PXDN: variants seen among roughly 807,000 people sequenced by gnomAD.
PXDN encodes peroxidasin homolog.
PXDN carries 77 observed loss-of-function variants against 140.3 expected under a neutral mutation model. That is an observed-to-expected ratio of 0.55 (90% CI 0.46 to 0.66). The LOEUF is 0.66. Among genes scored for constraint, PXDN ranks in the 30% least tolerant of loss-of-function variants. The pLI is 0.00. For synonymous variants in PXDN, 911 were observed against 857.4 expected, an observed-to-expected ratio of 1.06 and a Z score of -1.09; for missense variants, 1,838 against 2,039.5, an observed-to-expected ratio of 0.90 and a Z score of 1.90.
chr2:1,644,599 T>G lies in PXDN; in HGVS notation c.3743+19A>C. 6.3e-7 allele frequency: 1 copy of G among 1,577,888 alleles called. No individual in the cohort carries two copies. The highest frequency in any genetic ancestry group is 8.6e-7 in the Non-Finnish European group (1 of 1,157,824). On this transcript the variant is annotated intron_variant, in intron 18 of 22. Transcript: ENST00000252804. ...AGGTGGCTTAGGAGCGTGCTCCCCT[T>G]TCTGGTGCACGTGCTCACCTGTCCC...
chr2:1,664,497 T>C lies in PXDN; in HGVS notation c.1408+461A>G, dbSNP rs147568940. The stretch of plus-strand genomic sequence containing the variant: ...TGTAGGCAAAGAATGTGATGAAAGG[T>C]CATGATGCCGAATGGGGAGGTGACA... On this transcript the variant is annotated intron_variant, in intron 11 of 22. Coordinates refer to ENST00000252804, the MANE Select transcript of PXDN (RefSeq NM_012293.3). 1,593 of 161,290 alleles carry C rather than the reference T, an allele frequency of 9.9e-3. 27 individuals carry two copies. Among genetic ancestry groups the C allele is most frequent in the African/African-American group, 0.037 (1,531 of 41,740 alleles). The allele number at this position is 161,290 out of a possible 1,614,324, so 10.0% of individuals were successfully genotyped here. A position where few individuals can be genotyped will look rare whatever the true frequency, so the allele number is the denominator to read the frequency against.
upstream of PXDN, chr2:1,744,643 C>T: frequency 2.1e-6 from 1 of 478,054 alleles, no homozygotes; most frequent in Non-Finnish European, 3.2e-6. Flanking sequence ...AACCCGGGGC[C>T]CCAGCGTCCG....
At chr2:1,709,265 G>A (rs997015901) in intron 1 of PXDN, among the ~76,000 whole-genome samples, 19 of 152,202 alleles carry the variant, frequency 1.2e-4, no homozygotes, top group Non-Finnish European at 2.5e-4. Context: ...AGGTGACCAC[G>A]GCGCTCGCTG....
At chr2:1,647,722 G>A (rs1005186027) in intron 17 of PXDN, among the ~76,000 whole-genome samples, 5 of 152,208 alleles carry the variant, frequency 3.3e-5, no homozygotes, top group Admixed American at 6.5e-5. Flanking sequence ...CCAAGGGCCC[G>A]GATCTGCAGA....
rs1304437913 is a variant in PXDN, at chr2:1,651,263, G to A, written c.2105-1588C>T. 6.6e-6 allele frequency among the ~76,000 whole-genome samples: 1 copy of A among 152,168 alleles called. No individual in the cohort carries two copies. Among genetic ancestry groups the A allele is most frequent in the East Asian group, 1.9e-4 (1 of 5,168 alleles). On this transcript the variant is annotated intron_variant, in intron 16 of 22. Coordinates refer to ENST00000252804, the MANE Select transcript of PXDN (RefSeq NM_012293.3). This position sits in a 1 kb window ranked among gnomAD's most constrained non-coding sequence, Gnocchi z 4.4. ...AATGCCTGGCTGGGCTGTGGGGCTG[G>A]TCTCCGGGCTTTCCTCCAGAATGTT...
rs1220360327 is a variant in PXDN at position 1,685,552 on chromosome 2, TGCAG to T, written c.417-1405_417-1402del. ...TGTGAGCTGCTCAGCGAGGCTTCAG[TGCAG>T]GCAGGCAGGGGTGGAGTCCCCCAAG... is the stretch of plus-strand genomic sequence containing the variant. On this transcript the variant is annotated intron_variant, in intron 4 of 22. Coordinates refer to ENST00000252804, the MANE Select transcript of PXDN (RefSeq NM_012293.3). This position sits in a 1 kb window ranked among gnomAD's most constrained non-coding sequence, Gnocchi z 5.1. Among the ~76,000 whole-genome samples the T allele has an allele frequency of 6.6e-6, 1 of 151,688 alleles. No individual in the cohort carries two copies. The highest frequency in any genetic ancestry group is 1.5e-5 in the Non-Finnish European group (1 of 67,950).
At position 1,648,756 on chromosome 2, in the gene PXDN, G is replaced by T; in HGVS notation, c.3024C>A (p.His1008Gln). The part of the protein sequence containing the change: ...IATELLKLNP[H>Q]WDGDTIYYET... Reference sequence around the variant, plus strand: ...CATAGTAGATGGTGTCGCCGTCCCAGTGCGGGTTCAGCTTGAGCAGCTCCG... The same window carrying T: ...CATAGTAGATGGTGTCGCCGTCCCATTGCGGGTTCAGCTTGAGCAGCTCCG... Residue 1008 changes from histidine (H) to glutamine (Q), a missense_variant, in exon 17 of 23, where the codon CAC becomes CAA. Physicochemically the swap from His to Gln is conservative, Grantham distance 24. Around this residue, in one of 5 missense-constraint regions of PXDN, gnomAD observed 850 missense variants for 894.1 expected, o/e 0.95. Transcript: ENST00000252804. This position sits in a 1 kb window ranked among gnomAD's most constrained non-coding sequence, Gnocchi z 8.9. 1.2e-6 allele frequency: 2 copies of T among 1,604,246 alleles called. No homozygotes were observed. Among genetic ancestry groups the T allele is most frequent in the Non-Finnish European group, 1.7e-6 (2 of 1,175,974 alleles).
At chr2:1,731,205 G>A (rs1387597534) in intron 1 of PXDN, among the ~76,000 whole-genome samples, 1 of 151,420 alleles carries the variant, frequency 6.6e-6, no homozygotes, top group African/African-American at 2.4e-5. Flanking sequence ...GAAGTTTTAA[G>A]AGAGCGAGCA....
At chr2:1,740,322 C>A (rs1685512038) in intron 1 of PXDN, among the ~76,000 whole-genome samples, 1 of 152,170 alleles carries the variant, frequency 6.6e-6, no homozygotes, top group African/African-American at 2.4e-5. Context: ...CGAAAGGCAG[C>A]CAGTTCTCCA....
intron 1 of PXDN, among the ~76,000 whole-genome samples, chr2:1,709,147 G>C (rs984173671): frequency 6.6e-6 from 1 of 152,144 alleles, no homozygotes; most frequent in African/African-American, 2.4e-5. Context: ...TGTGCTCGCC[G>C]CTCACTCATT....
rs1372151902 is a variant in PXDN, at chr2:1,685,186, C to A, written c.417-1035G>T. Among the ~76,000 whole-genome samples, 1 of 152,238 alleles carries A rather than the reference C, an allele frequency of 6.6e-6. No homozygotes were observed. The highest frequency in any genetic ancestry group is 1.5e-5 in the Non-Finnish European group (1 of 68,038). On this transcript the variant is annotated intron_variant, in intron 4 of 22. Coordinates refer to ENST00000252804, the MANE Select transcript of PXDN (RefSeq NM_012293.3). This position sits in a 1 kb window ranked among gnomAD's most constrained non-coding sequence, Gnocchi z 5.1. ...AGCACCCACACAGGCCACACTGAGT[C>A]TCTGCGGACACCTGCAGCCGGAGGG...
chr2:1,660,912 C>T lies in PXDN; in HGVS notation c.1806G>A (p.Ser602=), dbSNP rs376428722. ...CACTGAGCACCATGCTCACCGAGGC[C>T]GACCCAATGGTGTTCCGGGCCACAC... ...YECVARNTIG[S]ASVSMVLSVN... The change falls in exon 14 of 23, where the codon TCG becomes TCA. Residue 602 remains serine, a synonymous_variant. Transcript: ENST00000252804. The surrounding 1 kb of genome is among the most constrained non-coding windows in gnomAD (Gnocchi z 4.6). 6.2e-6 allele frequency: 10 copies of T among 1,613,476 alleles called. No individual in the cohort carries two copies. Among genetic ancestry groups the T allele is most frequent in the African/African-American group, 2.7e-5 (2 of 74,908 alleles).
chr2:1,670,945 C>A (rs1223227435), intron 9 of PXDN, among the ~76,000 whole-genome samples: 4 of 152,104 alleles, frequency 2.6e-5, no homozygotes, highest in African/African-American at 9.7e-5. Flanking sequence ...AACTTGCTGC[C>A]CAACTCCCCC....
At chr2:1,720,328 A>C (rs1685009221) in intron 1 of PXDN, among the ~76,000 whole-genome samples, 1 of 100,678 alleles carries the variant, frequency 9.9e-6, no homozygotes, top group Non-Finnish European at 2.0e-5. Flanking sequence ...AGAGATGCAC[A>C]GAGAGAGGGA....
chr2:1,673,622 T>C (rs1558502176), intron 9 of PXDN, 21 bp downstream of exon 9: 11 of 1,595,688 alleles, frequency 6.9e-6, no homozygotes, highest in East Asian at 2.2e-5. Context: ...GGAACCCCGG[T>C]GTGAAATGCC....
chr2:1,710,996 ACTCCACCAGCACCCACT>A (rs1157884367), intron 1 of PXDN, among the ~76,000 whole-genome samples: 89 of 21,280 alleles, frequency 4.2e-3, no homozygotes, highest in South Asian at 8.0e-3. Flanking sequence ...ACCAGCACCC[ACTCCACCAGCACCCACT>A]CTCCACCAGC....
In PXDN at chr2:1,714,176, A is replaced by G. The variant is rs1684846300; in HGVS notation, c.201-21042T>C. Among the ~76,000 whole-genome samples the G allele has an allele frequency of 6.6e-6, 1 of 152,130 alleles. No individual in the cohort carries two copies. The highest frequency in any genetic ancestry group is 2.4e-5 in the African/African-American group (1 of 41,406). On this transcript the variant is annotated intron_variant, in intron 1 of 22. Transcript: ENST00000252804. The surrounding 1 kb of genome is among the most constrained non-coding windows in gnomAD (Gnocchi z 4.3). ...GGATACTGTTTTTTTCAACTACCTC[A>G]TTTATTGCTCTTACATCTGCACTTG...
At chr2:1,699,262 C>T (rs1274694351) in intron 1 of PXDN, among the ~76,000 whole-genome samples, 1 of 152,166 alleles carries the variant, frequency 6.6e-6, no homozygotes, top group Non-Finnish European at 1.5e-5. Context: ...TTTAATCATG[C>T]CAAAGTTATG....
At chr2:1,728,076 C>A (rs1685230885) in intron 1 of PXDN, among the ~76,000 whole-genome samples, 1 of 152,170 alleles carries the variant, frequency 6.6e-6, no homozygotes, top group Non-Finnish European at 1.5e-5. Flanking sequence ...GTAGCCAGGA[C>A]TACAGGCGTA....
Sources: gnomAD v4.1 joint callset for allele counts (sites outside exome capture counted in the v4.1 genomes callset) on GRCh38, gnomAD v4.1.1 for gene constraint, gnomAD v4.1.1 regional missense constraint, Gnocchi (gnomAD v3.1) non-coding constraint, MANE v1.5 for transcripts, NCBI Gene and HGNC (gene_info 2026-07-23, HGNC 2026-07-21) for gene names.